The following RAP1GAP2 variants were observed in gnomAD, a reference collection of about 807,000 sequenced individuals.
The protein encoded by RAP1GAP2 is rap1 GTPase-activating protein 2.
RAP1GAP2 carries 27 observed loss-of-function variants against 95.0 expected under a neutral mutation model. That is an observed-to-expected ratio of 0.28 (90% CI 0.21 to 0.39). The LOEUF is 0.39. Among genes scored for constraint, RAP1GAP2 ranks in the 10% least tolerant of loss-of-function variants. The probability of loss-of-function intolerance (pLI) is 1.00; values close to 1 mark genes in which losing one functional copy is unlikely to be tolerated. For synonymous variants in RAP1GAP2, 373 were observed against 380.9 expected (o/e 0.98, Z 0.24); for missense variants, 771 against 970.0 (o/e 0.79, Z 2.72).
intron 3 of RAP1GAP2, among the ~76,000 whole-genome samples, chr17:2,947,567 T>G (rs2043747335): frequency 6.6e-6 from 1 of 152,134 alleles, no homozygotes; most frequent in African/African-American, 2.4e-5. Flanking sequence ...TACTGTGTGC[T>G]AGGCAGTTCT....
In RAP1GAP2 at chr17:2,903,351, G is replaced by C. The variant is rs1250458441; in HGVS notation, c.81-1933G>C. The stretch of plus-strand genomic sequence containing the variant: ...AGGCGGTGAGCCTGTGCTGGACCCA[G>C]CTCTGTTGTGCACACAGGCAGGTGA... On this transcript the variant is annotated intron_variant, in intron 2 of 24. Transcript: ENST00000254695. The surrounding 1 kb of genome is among the most constrained non-coding windows in gnomAD (Gnocchi z 4.1). Among the ~76,000 whole-genome samples, 1 of 152,204 alleles carries C rather than the reference G, an allele frequency of 6.6e-6. No individual in the cohort carries two copies. The highest frequency in any genetic ancestry group is 1.5e-5 in the Non-Finnish European group (1 of 68,028).
upstream of RAP1GAP2, among the ~76,000 whole-genome samples, chr17:2,792,483 C>T (rs376527720): frequency 2.6e-5 from 4 of 152,118 alleles, no homozygotes; most frequent in African/African-American, 4.8e-5. Context: ...AGGAAGGCAG[C>T]GTGGGAAAGG....
At chr17:2,798,489 C>T (rs1460954548) in intron 1 of RAP1GAP2, among the ~76,000 whole-genome samples, 2 of 152,148 alleles carry the variant, frequency 1.3e-5, no homozygotes, top group Non-Finnish European at 2.9e-5. Context: ...TTTGGGCCTC[C>T]TCATCTGGGA....
chr17:2,848,908 C>G (rs985224672), intron 2 of RAP1GAP2, among the ~76,000 whole-genome samples: 2 of 152,332 alleles, frequency 1.3e-5, no homozygotes, highest in East Asian at 1.9e-4. Flanking sequence ...CCTCTTCCCC[C>G]TCCTCTGTCT....
At chr17:3,010,288 C>T (rs1034140775) in intron 17 of RAP1GAP2, among the ~76,000 whole-genome samples, 1 of 141,410 alleles carries the variant, frequency 7.1e-6, no homozygotes, top group Non-Finnish European at 1.5e-5. Context: ...TGCAGTGAGC[C>T]GAGATCACGC....
intron 3 of RAP1GAP2, among the ~76,000 whole-genome samples, chr17:2,939,788 C>A (rs921425944): frequency 2.0e-5 from 3 of 152,362 alleles, no homozygotes; most frequent in East Asian, 1.9e-4. Context: ...TTGGAAGGGA[C>A]CCCCTTGCCC....
chr17:2,819,337 T>G (rs1197436004), intron 2 of RAP1GAP2, among the ~76,000 whole-genome samples: 1 of 150,614 alleles, frequency 6.6e-6, no homozygotes, highest in East Asian at 2.0e-4. Context: ...TTTTTTTCTT[T>G]TTTTGGAGAC....
At chr17:2,956,648 T>G (rs1250816080) in intron 3 of RAP1GAP2, among the ~76,000 whole-genome samples, 2 of 152,232 alleles carry the variant, frequency 1.3e-5, no homozygotes, top group Non-Finnish European at 2.9e-5. Flanking sequence ...GACATTAGTC[T>G]GAGGAGGAGT....
intron 13 of RAP1GAP2, among the ~76,000 whole-genome samples, chr17:2,996,140 C>T (rs2045953675): frequency 6.6e-6 from 1 of 152,086 alleles, no homozygotes; most frequent in Non-Finnish European, 1.5e-5. Context: ...AGAATCCTTC[C>T]CCACCCCCAG....
In RAP1GAP2 at chr17:2,906,082, T is replaced by TCTCC. The variant is rs892734514; in HGVS notation, c.165+729_165+732dup. 2.0e-5 allele frequency among the ~76,000 whole-genome samples: 3 copies of TCTCC among 152,062 alleles called. No homozygotes were observed. Among genetic ancestry groups the TCTCC allele is most frequent in the Non-Finnish European group, 2.9e-5 (2 of 67,994 alleles). On this transcript the variant is annotated intron_variant, in intron 3 of 24. Coordinates refer to ENST00000254695, the MANE Select transcript of RAP1GAP2 (RefSeq NM_015085.5). This position sits in a 1 kb window ranked among gnomAD's most constrained non-coding sequence, Gnocchi z 4.3. Reference sequence around the variant, plus strand: ...TTTCTGCATAGGCTGGCATGCACGCTCTCCCTCCCTCCCTCCCTGCCTCCC... The same window carrying TCTCC: ...TTTCTGCATAGGCTGGCATGCACGCTCTCCCTCCCTCCCTCCCTCCCTGCCTCCC...
intron 1 of RAP1GAP2, among the ~76,000 whole-genome samples, chr17:2,761,289 C>CTTT (rs1002992848): frequency 1.9e-5 from 2 of 106,332 alleles, no homozygotes; most frequent in African/African-American, 3.5e-5. Flanking sequence ...GGTCTTTTTT[C>CTTT]TTTTTTTTTT....
chr17:2,918,432 C>CAAAA lies in RAP1GAP2; in HGVS notation c.165+13082_165+13085dup, dbSNP rs533808717. 7.4e-4 allele frequency among the ~76,000 whole-genome samples: 48 copies of CAAAA among 65,192 alleles called. 1 individual carries two copies. The highest frequency in any genetic ancestry group is 1.6e-3 in the African/African-American group (29 of 18,568). 42.8% of individuals were successfully genotyped at this position (65,192 alleles called of 152,430 possible). A position where few individuals can be genotyped will look rare whatever the true frequency, so the allele number is the denominator to read the frequency against. ...TGGGCAATAGAATGAGACTCCATCT[C>CAAAA]AAAAAAAAAAAAAAAAAAAAAGAAA... On this transcript the variant is annotated intron_variant, in intron 3 of 24. Transcript: ENST00000254695.
rs2070510350 is a variant in RAP1GAP2 at position 2,825,566 on chromosome 17, G to A, written c.80+25016G>A. Among the ~76,000 whole-genome samples the A allele has an allele frequency of 6.6e-6, 1 of 152,180 alleles. No individual in the cohort carries two copies. Among genetic ancestry groups the A allele is most frequent in the East Asian group, 1.9e-4 (1 of 5,168 alleles). ...ATCCTGGCTCTGCCACTCACTGCTG[G>A]GGTTACCTTGGGCAACCGTCTGAAC... On this transcript the variant is annotated intron_variant, in intron 2 of 24. Transcript: ENST00000254695. This position sits in a 1 kb window ranked among gnomAD's most constrained non-coding sequence, Gnocchi z 4.1.
chr17:2,780,041 C>A (rs1443458141), intron 1 of RAP1GAP2, among the ~76,000 whole-genome samples: 2 of 152,044 alleles, frequency 1.3e-5, no homozygotes, highest in Non-Finnish European at 2.9e-5. Flanking sequence ...GGTACAGCAT[C>A]CACAAGCCTC....
intron 2 of RAP1GAP2, among the ~76,000 whole-genome samples, chr17:2,880,139 GA>G (rs1305528116): frequency 1.3e-5 from 2 of 152,156 alleles, no homozygotes; most frequent in Admixed American, 6.6e-5. Flanking sequence ...CATCGGAAGG[GA>G]GGGACATTCA....
intron 11 of RAP1GAP2, among the ~76,000 whole-genome samples, chr17:2,990,053 G>A (rs1384030558): frequency 1.3e-5 from 2 of 152,180 alleles, no homozygotes; most frequent in Non-Finnish European, 2.9e-5. Context: ...TATCCAGGTC[G>A]TAGTATGTAT....
intron 3 of RAP1GAP2, among the ~76,000 whole-genome samples, chr17:2,936,461 C>G (rs900249872): frequency 1.3e-5 from 2 of 151,942 alleles, no homozygotes; most frequent in Non-Finnish European, 1.5e-5. Context: ...CACAGACAAA[C>G]GCACTCACCT....
chr17:2,934,810 G>A (rs1447017381), intron 3 of RAP1GAP2, among the ~76,000 whole-genome samples: 1 of 152,208 alleles, frequency 6.6e-6, no homozygotes, highest in Admixed American at 6.5e-5. Context: ...ACGAAATCTG[G>A]TGCGTGCACA....
At chr17:2,984,959 T>TC (rs772791429) in intron 10 of RAP1GAP2, 24 bp from the exon 11 acceptor site, 15 of 1,606,042 alleles carry the variant, frequency 9.3e-6, no homozygotes, top group Non-Finnish European at 1.3e-5. Flanking sequence ...ATGTTGATTT[T>TC]TTTTTTCTTG....
Sources: allele counts gnomAD v4.1 joint callset (sites outside exome capture counted in the v4.1 genomes callset), GRCh38; gene constraint gnomAD v4.1.1; non-coding constraint Gnocchi (gnomAD v3.1); transcripts MANE v1.5; gene names NCBI Gene and HGNC (gene_info 2026-07-23, HGNC 2026-07-21).